The following ALMS1 variants were observed in gnomAD, a reference collection of about 807,000 sequenced individuals.
ALMS1 encodes centrosome-associated protein ALMS1.
Under a neutral mutation model 352.2 loss-of-function variants are expected in ALMS1, and 271 were observed. The ratio of observed to expected loss-of-function variants is 0.77; its 90% CI spans 0.70 to 0.85. The LOEUF (loss-of-function observed/expected upper bound fraction) is 0.85, where lower values mean the gene tolerates loss of function less well. ALMS1 is among the 40% of genes least tolerant of loss of function. The pLI, the probability that ALMS1 is intolerant of heterozygous loss-of-function variation, is 0.00. For missense variants in ALMS1, 5,445 were observed against 4,870.7 expected, an observed-to-expected ratio of 1.12 and a Z score of -3.51; for synonymous variants, 1,865 against 1,761.2, an observed-to-expected ratio of 1.06 and a Z score of -1.48.
In ALMS1 at chr2:73,424,610, T is replaced by C. The variant is rs183390773; in HGVS notation, c.945T>C (p.Ser315=). Residue 315 remains serine, a synonymous_variant, in exon 5 of 23, where the codon TCT becomes TCC. Transcript: ENST00000613296. ...GGTCTCAGTGCCCTTTTTTACCTTC[T>C]GAACAAGGGAATAATGAAGAGACTA... is the stretch of plus-strand genomic sequence containing the variant. The part of the protein sequence containing the change: ...AVGSQCPFLP[S]EQGNNEETIS... 2,372 of 1,614,020 alleles carry C rather than the reference T, an allele frequency of 1.5e-3. 2 individuals are homozygous for C. The highest frequency in any genetic ancestry group is 1.7e-3 in the Non-Finnish European group (2,006 of 1,180,006).
chr2:73,448,782 A>G lies in ALMS1; in HGVS notation c.2255A>G (p.Gln752Arg). The change falls in exon 8 of 23, where the codon CAG (glutamine) becomes CGG (arginine). Residue 752 changes from glutamine to arginine, a missense_variant. Coordinates refer to ENST00000613296, the MANE Select transcript of ALMS1 (RefSeq NM_001378454.1). ...TCAGCCACTCCTGGACCAGCTGACC[A>G]GAAGACTGAGATACCAGCAGTACAG... ...KVSATPGPAD[Q>R]KTEIPAVQSS... is the part of the protein sequence containing the mutation. 1 of 1,614,134 alleles carries G rather than the reference A, an allele frequency of 6.2e-7. No individual in the cohort carries two copies. Among genetic ancestry groups the G allele is most frequent in the Non-Finnish European group, 8.5e-7 (1 of 1,179,990 alleles).
intron 16 of ALMS1, among the ~76,000 whole-genome samples, chr2:73,575,893 A>G (rs1266694985): frequency 6.6e-6 from 1 of 152,032 alleles, no homozygotes; most frequent in Non-Finnish European, 1.5e-5. Context: ...CATATCTTAG[A>G]AATATTTGCC....
intron 9 of ALMS1, among the ~76,000 whole-genome samples, chr2:73,465,832 A>G (rs1217472801): frequency 6.6e-6 from 1 of 152,254 alleles, no homozygotes; most frequent in Non-Finnish European, 1.5e-5. Context: ...AAGGATATGA[A>G]CAGACACTTC....
At chr2:73,583,607 T>C (rs975819618) in intron 16 of ALMS1, among the ~76,000 whole-genome samples, 1 of 152,228 alleles carries the variant, frequency 6.6e-6, no homozygotes, top group African/African-American at 2.4e-5. Context: ...GTAAGAGTTA[T>C]ATGGGTTTAG....
chr2:73,473,155 G>A (rs1162692778), intron 9 of ALMS1, among the ~76,000 whole-genome samples: 4 of 152,194 alleles, frequency 2.6e-5, no homozygotes, highest in Admixed American at 2.6e-4. Flanking sequence ...TTCAGGCTCT[G>A]CCTAACTAAG....
At chr2:73,570,591 T>G (rs559368772) in intron 15 of ALMS1, among the ~76,000 whole-genome samples, 1 of 152,114 alleles carries the variant, frequency 6.6e-6, no homozygotes, top group African/African-American at 2.4e-5. Context: ...GAGGAAGATG[T>G]GAGGATTTTC....
chr2:73,426,010 A>G (rs6753344), intron 5 of ALMS1, among the ~76,000 whole-genome samples: 45,949 of 152,114 alleles, frequency 0.3, 8,531 homozygotes, highest in African/African-American at 0.53. Flanking sequence ...TCAGTGTGAT[A>G]TAGGCAATGA....
Position 73,520,004 on chromosome 2 carries a change from C to T in ALMS1, c.9769C>T (p.Arg3257Cys), listed in dbSNP as rs373998843. 1.4e-5 allele frequency: 23 copies of T among 1,613,924 alleles called. No homozygotes were observed. In the African/African-American group the frequency reaches 1.5e-4, roughly 10 times the overall value. ...SSSVQQVTFS[R>C]GTDGQPLLLP... The stretch of plus-strand genomic sequence containing the variant: ...TTCAGTCCAACAGGTTACTTTTTCT[C>T]GCGGCACAGATGGTAAGAGAATGTG... Residue 3257 changes from arginine to cysteine, a missense_variant, in exon 11 of 23, where the codon CGC (arginine) becomes TGC (cysteine). By Grantham distance (180) the Arg-to-Cys change is radical. Transcript: ENST00000613296.
At chr2:73,565,298 GGGAATATGTCAAT>G (rs1202514615) in intron 15 of ALMS1, among the ~76,000 whole-genome samples, 1 of 152,142 alleles carries the variant, frequency 6.6e-6, no homozygotes, top group Non-Finnish European at 1.5e-5. Flanking sequence ...CACAGGGATG[GGGAATATGTCAAT>G]GGAACACAGG....
chr2:73,504,203 T>C (rs1250386399), intron 10 of ALMS1, among the ~76,000 whole-genome samples: 1 of 152,166 alleles, frequency 6.6e-6, no homozygotes, highest in Non-Finnish European at 1.5e-5. Flanking sequence ...TAAATTGATA[T>C]TGGCACAATA....
At chr2:73,529,425 T>C (rs1673862896) in intron 11 of ALMS1, among the ~76,000 whole-genome samples, 2 of 152,238 alleles carry the variant, frequency 1.3e-5, no homozygotes. Flanking sequence ...TCATATTTAG[T>C]TCATTTGGTG....
intron 10 of ALMS1, among the ~76,000 whole-genome samples, chr2:73,496,805 A>G (rs1424728599): frequency 6.6e-6 from 1 of 152,156 alleles, no homozygotes; most frequent in Non-Finnish European, 1.5e-5. Context: ...ACATAGTTTT[A>G]ATTTGCATGT....
rs1421714540 is a variant in ALMS1, at chr2:73,519,788, A to T, written c.9553A>T (p.Met3185Leu). 3.1e-6 allele frequency: 5 copies of T among 1,614,084 alleles called. No homozygotes were observed. The highest frequency in any genetic ancestry group is 4.2e-6 in the Non-Finnish European group (5 of 1,179,948). ...TTTTTTGGTCAGATTACCAGAGAAG[A>T]TGAAGACCCCACTTTCTGCTTTCTC... is the stretch of plus-strand genomic sequence containing the variant. ...PVFADRLPEK[M>L]KTPLSAFSEK... Residue 3185 changes from methionine (M) to leucine (L), a missense_variant, in exon 11 of 23, where the codon ATG (methionine) becomes TTG (leucine). Met to Leu is a conservative substitution (Grantham distance 15). Transcript: ENST00000613296.
In ALMS1 at chr2:73,452,370, G is replaced by T. The variant is rs1300252739; in HGVS notation, c.5843G>T (p.Ser1948Ile). The T allele has an allele frequency of 1.9e-6, 3 of 1,613,786 alleles. No homozygotes were observed. The highest frequency in any genetic ancestry group is 2.5e-6 in the Non-Finnish European group (3 of 1,179,896). Reference protein sequence around the residue: ...LSYYSRREKPSVISQQELPDS... With the variant: ...LSYYSRREKPIVISQQELPDS... ...TACTACTCACGTAGAGAGAAGCCCA[G>T]TGTTATCTCTCAACAGGAGTTGCCA... The change falls in exon 8 of 23, where the codon AGT becomes ATT. Residue 1948 changes from serine to isoleucine, a missense_variant. By Grantham distance (142) the Ser-to-Ile change is moderately radical. Coordinates refer to ENST00000613296, the MANE Select transcript of ALMS1 (RefSeq NM_001378454.1).
chr2:73,414,473 G>GTTTTTTTTTTTTTTTTTTT (rs61660489), intron 2 of ALMS1, among the ~76,000 whole-genome samples: 3 of 66,416 alleles, frequency 4.5e-5, no homozygotes, highest in Non-Finnish European at 9.7e-5. Flanking sequence ...CTTTTTTTCC[G>GTTTTTTTTTTTTTTTTTTT]TTTTTTTTTT....
At chr2:73,500,553 TGA>T (rs1265918819) in intron 10 of ALMS1, among the ~76,000 whole-genome samples, 1 of 151,982 alleles carries the variant, frequency 6.6e-6, no homozygotes, top group East Asian at 1.9e-4. Context: ...ATTGCCACCA[TGA>T]GATTACTGGG....
chr2:73,404,929 T>TTTTTTTTTTC (rs1670943713), intron 1 of ALMS1, among the ~76,000 whole-genome samples: 1 of 134,602 alleles, frequency 7.4e-6, no homozygotes, highest in Non-Finnish European at 1.6e-5. Context: ...TTTTTTTTTT[T>TTTTTTTTTTC]GAGACAGGGT....
At position 73,572,371 on chromosome 2, in the gene ALMS1, T is replaced by C. The variant is rs769856570; in HGVS notation, c.10494T>C (p.His3498=). The change falls in exon 16 of 23, where the codon CAT becomes CAC. Residue 3498 remains histidine (H), a synonymous_variant. Transcript: ENST00000613296. ...VHLPSDQDIC[H]ESLGKSVFMR... ...TACCAAGTGATCAAGATATTTGCCATGAATCTTTGGGAAAGAGTGTTTTCA... is the reference window on the plus strand; with the variant it reads ...TACCAAGTGATCAAGATATTTGCCACGAATCTTTGGGAAAGAGTGTTTTCA... 9.3e-6 allele frequency: 15 copies of C among 1,609,336 alleles called. No individual in the cohort carries two copies. The Admixed American group carries it at 2.4e-4, about 25-fold the overall frequency.
intron 15 of ALMS1, among the ~76,000 whole-genome samples, chr2:73,567,051 C>T (rs62149776): frequency 6.6e-6 from 1 of 152,192 alleles, no homozygotes. Context: ...GCTCTTCAAA[C>T]TCTGTCTGTT....
Sources: allele counts gnomAD v4.1 joint callset (sites outside exome capture counted in the v4.1 genomes callset), GRCh38; gene constraint gnomAD v4.1.1; transcripts MANE v1.5; gene names NCBI Gene and HGNC (gene_info 2026-07-23, HGNC 2026-07-21).